TVP23C: variants seen among roughly 807,000 people sequenced by gnomAD.
TVP23C encodes the protein trans-golgi network vesicle protein 23 homolog C.
In TVP23C, 19 loss-of-function variants were observed where a neutral mutation model predicts 28.7. The observed-to-expected ratio is 0.66, with a 90% CI of 0.46 to 0.97. TVP23C has a LOEUF of 0.97. Ranked by LOEUF, TVP23C falls within the 50% of genes least tolerant of loss-of-function variation. TVP23C has a pLI of 0.00. For synonymous variants in TVP23C, 68 were observed against 81.7 expected, an observed-to-expected ratio of 0.83 and a Z score of 0.90; for missense variants, 186 against 241.3, an observed-to-expected ratio of 0.77 and a Z score of 1.52.
intron 3 of TVP23C, among the ~76,000 whole-genome samples, chr17:15,549,073 T>C (rs565842817): frequency 6.6e-6 from 1 of 152,330 alleles, no homozygotes; most frequent in East Asian, 1.9e-4. Flanking sequence ...TAAATTATAT[T>C]TCAATATAAG....
chr17:15,548,947 A>G (rs1567642416), intron 3 of TVP23C, among the ~76,000 whole-genome samples: 1 of 152,272 alleles, frequency 6.6e-6, no homozygotes, highest in Non-Finnish European at 1.5e-5. Flanking sequence ...CTCACACAGT[A>G]TCTTACTGTT....
In TVP23C at chr17:15,503,008, AG is replaced by A; in HGVS notation, c.686del (p.Ala229ValfsTer55). ...GCGCCATCTGTTGGCAGTTGCCTGGAGCCGCACGAAGAGGTGGAGAACTAAG... is the reference window on the plus strand; with the variant it reads ...GCGCCATCTGTTGGCAGTTGCCTGGACCGCACGAAGAGGTGGAGAACTAAG... On this transcript the variant is annotated frameshift_variant, in exon 6 of 6. Transcript: ENST00000225576. LOFTEE classifies it low-confidence loss of function (END_TRUNC). 6.2e-7 allele frequency: 1 copy of A among 1,614,160 alleles called. No individual in the cohort carries two copies. The highest frequency in any genetic ancestry group is 8.5e-7 in the Non-Finnish European group (1 of 1,180,028).
At chr17:15,528,674 T>C (rs1165714300) in intron 5 of TVP23C, among the ~76,000 whole-genome samples, 2 of 151,758 alleles carry the variant, frequency 1.3e-5, no homozygotes, top group Admixed American at 1.3e-4. Flanking sequence ...GGCGTGATCT[T>C]GGCTCACCGA....
intron 5 of TVP23C, among the ~76,000 whole-genome samples, chr17:15,541,196 A>C (rs1323663717): frequency 2.0e-5 from 3 of 152,230 alleles, no homozygotes; most frequent in Non-Finnish European, 4.4e-5. Flanking sequence ...AGAAGTGAGA[A>C]AAAGAAACTC....
rs1439116046 is a variant in TVP23C, at chr17:15,553,556, A to G, written c.240+129T>C. 4.4e-6 allele frequency: 5 copies of G among 1,126,044 alleles called. No individual in the cohort carries two copies. The East Asian group carries it at 9.7e-5, about 22-fold the overall frequency. 69.8% of individuals were successfully genotyped at this position (1,126,044 alleles called of 1,614,324 possible). On this transcript the variant is annotated intron_variant, in intron 3 of 5. Transcript: ENST00000518321. ...AAAAAAAAACTACATGCAATTTGAT[A>G]TATCTAGCACTTCAACACAGATGAG...
intron 5 of TVP23C, chr17:15,507,206 T>C: frequency 1.4e-6 from 1 of 730,932 alleles, no homozygotes; most frequent in Admixed American, 1.8e-5. Flanking sequence ...TCATCTGCAC[T>C]GCCAAGACAG....
Position 15,538,155 on chromosome 17 carries a change from C to T in TVP23C, c.*2257G>A, listed in dbSNP as rs568909748. The T allele has an allele frequency of 6.9e-5, 112 of 1,613,568 alleles. No individual in the cohort carries two copies. The East Asian group carries it at 1.4e-3, about 20-fold the overall frequency. On this transcript the variant is annotated 3_prime_UTR_variant, in exon 6 of 6. Coordinates refer to ENST00000518321, the MANE Select transcript of TVP23C (RefSeq NM_001135036.2). ...GGAAGTCTGATCATCTCCAGTGTTC[C>T]GCAAAAGACAAAAAAAGAACTCCTT...
intron 5 of TVP23C, among the ~76,000 whole-genome samples, chr17:15,516,100 CT>C (rs1467892872): frequency 3.3e-5 from 5 of 152,202 alleles, no homozygotes; most frequent in Non-Finnish European, 7.3e-5. Context: ...CTCATGCTTC[CT>C]GTACAGCCTG....
intron 5 of TVP23C, chr17:15,507,278 G>A: frequency 1.3e-6 from 1 of 747,954 alleles, no homozygotes; most frequent in Non-Finnish European, 2.4e-6. Context: ...ATATTGTGAA[G>A]CCCATGGAGC....
At chr17:15,525,971 C>T (rs901643454) in intron 5 of TVP23C, among the ~76,000 whole-genome samples, 2 of 152,182 alleles carry the variant, frequency 1.3e-5, no homozygotes, top group Non-Finnish European at 2.9e-5. Flanking sequence ...GATTAAGTAT[C>T]TCATGATATT....
chr17:15,526,000 T>G (rs1597517222), intron 5 of TVP23C, among the ~76,000 whole-genome samples: 1 of 152,234 alleles, frequency 6.6e-6, no homozygotes, highest in African/African-American at 2.4e-5. Flanking sequence ...TAAATGCCCA[T>G]GACCAACACA....
At chr17:15,506,863 GCCGTGGTCAA>G (rs1201305978) in intron 5 of TVP23C, 1 of 700,808 alleles carries the variant, frequency 1.4e-6, no homozygotes, top group Non-Finnish European at 2.5e-6. Context: ...CACACTATCA[GCCGTGGTCAA>G]CCCCACCATG....
rs769436264 is a variant in TVP23C at position 15,503,114 on chromosome 17, G to C, written c.581C>G (p.Ser194Trp). The C allele has an allele frequency of 3.1e-6, 5 of 1,613,474 alleles. No homozygotes were observed. In the African/African-American group the frequency reaches 5.3e-5, roughly 17 times the overall value. Residue 194 changes from serine (S) to tryptophan (W), a missense_variant, in exon 6 of 6, where the codon TCG (serine) becomes TGG (tryptophan). Transcript: ENST00000225576. The stretch of plus-strand genomic sequence containing the variant: ...AATGTCTACCTGATGAAACTTCCTC[G>C]AGGGATGGCCCGGGCAGCGGCTCAC...
rs537147722 is a variant in TVP23C at position 15,540,477 on chromosome 17, T to G, written c.547A>C (p.Thr183Pro). Residue 183 changes from threonine (T) to proline (P), a missense_variant, in exon 6 of 6, where the codon ACC (threonine) becomes CCC (proline). Physicochemically the swap from Thr to Pro is conservative, Grantham distance 38 (BLOSUM62 -1). This residue lies in a region of TVP23C where 74 missense variants were observed against 96.0 expected (regional missense o/e 0.77). Transcript: ENST00000518321. ...CCAAAATATGAAGTAGCCATGCTGG[T>G]TAAATGCTTTCTGCTGCGCACCTTA... The part of the protein sequence containing the change: ...RCKVRSRKHL[T>P]SMATSYFGKQ... 125 of 1,607,194 alleles carry G rather than the reference T, an allele frequency of 7.8e-5. No individual in the cohort carries two copies. The highest frequency in any genetic ancestry group is 1.0e-4 in the Non-Finnish European group (122 of 1,178,226).
At chr17:15,551,582 C>CCCTCT (rs928136746) in intron 3 of TVP23C, among the ~76,000 whole-genome samples, 3 of 152,142 alleles carry the variant, frequency 2.0e-5, no homozygotes, top group Non-Finnish European at 4.4e-5. Context: ...GCCTATCCAA[C>CCCTCT]CCTCTGCCCA....
intron 1 of TVP23C, among the ~76,000 whole-genome samples, chr17:15,561,072 G>T (rs1208643315): frequency 6.6e-6 from 1 of 152,140 alleles, no homozygotes; most frequent in Admixed American, 6.6e-5. Flanking sequence ...ATGAGACCCT[G>T]AGTAAACATG....
chr17:15,557,609 T>TGC (rs1984194192), intron 1 of TVP23C, among the ~76,000 whole-genome samples: 1 of 147,048 alleles, frequency 6.8e-6, no homozygotes, highest in Admixed American at 6.9e-5. Flanking sequence ...AAGACTGTCT[T>TGC]TGCATTGTAG....
intron 5 of TVP23C, among the ~76,000 whole-genome samples, chr17:15,528,050 G>T (rs1236993113): frequency 2.0e-5 from 3 of 152,030 alleles, no homozygotes; most frequent in African/African-American, 7.2e-5. Context: ...TCCTTTCAAA[G>T]AACCAACTTC....
intron 1 of TVP23C, chr17:15,563,007 A>C (rs1984471035): frequency 4.8e-6 from 1 of 208,666 alleles, no homozygotes; most frequent in Admixed American, 5.8e-5. Flanking sequence ...AAAGGAGAGA[A>C]TCACCAACAA....
Sources: gnomAD v4.1 joint callset for allele counts (sites outside exome capture counted in the v4.1 genomes callset) on GRCh38, gnomAD v4.1.1 for gene constraint, gnomAD v4.1.1 regional missense constraint, MANE v1.5 for transcripts, NCBI Gene and HGNC (gene_info 2026-07-23, HGNC 2026-07-21) for gene names.